Variants in CD48 observed in about 807,000 individuals in gnomAD.
The protein encoded by CD48 is CD48 molecule.
In CD48, 20 loss-of-function variants were observed where a neutral mutation model predicts 22.0. The ratio of observed to expected loss-of-function variants is 0.91; its 90% CI spans 0.64 to 1.32. CD48 has a LOEUF of 1.32. Among genes scored for constraint, CD48 ranks in the 40% most tolerant of loss-of-function variants. CD48 has a pLI of 0.00. For synonymous variants in CD48, 110 were observed against 110.1 expected (o/e 1.00, Z 0.01); for missense variants, 307 against 286.5 (o/e 1.07, Z -0.52).
chr1:160,687,300 T>C (rs1354837958), intron 1 of CD48, among the ~76,000 whole-genome samples: 3 of 152,184 alleles, frequency 2.0e-5, no homozygotes, highest in Non-Finnish European at 4.4e-5. Context: ...TTTCATATTG[T>C]TTAAACACAC....
chr1:160,689,720 A>C (rs183554923), intron 1 of CD48, among the ~76,000 whole-genome samples: 86 of 152,292 alleles, frequency 5.6e-4, no homozygotes, highest in Non-Finnish European at 1.0e-3. Flanking sequence ...TCTCTGACAC[A>C]GATGTTTTTT....
chr1:160,689,373 C>T (rs1571055729), intron 1 of CD48, among the ~76,000 whole-genome samples: 2 of 152,170 alleles, frequency 1.3e-5, no homozygotes, highest in African/African-American at 2.4e-5. Context: ...GGAAAAGGCA[C>T]ATAAGCCTAA....
At chr1:160,702,673 T>C (rs941015388) in intron 1 of CD48, among the ~76,000 whole-genome samples, 8 of 152,142 alleles carry the variant, frequency 5.3e-5, no homozygotes, top group African/African-American at 1.4e-4. Flanking sequence ...GCCACAATTA[T>C]AGCAGGCTCC....
At chr1:160,694,823 G>A (rs189491018) in intron 1 of CD48, among the ~76,000 whole-genome samples, 16 of 152,298 alleles carry the variant, frequency 1.1e-4, no homozygotes, top group African/African-American at 3.1e-4. Flanking sequence ...AAACTGGTGT[G>A]GGTAAATCAG....
At chr1:160,707,265 C>A (rs2102441367) in intron 1 of CD48, among the ~76,000 whole-genome samples, 1 of 152,106 alleles carries the variant, frequency 6.6e-6, no homozygotes, top group Non-Finnish European at 1.5e-5. Context: ...TCAGACGTTG[C>A]AATTTGAATG....
chr1:160,694,470 T>C (rs961874355), intron 1 of CD48, among the ~76,000 whole-genome samples: 2 of 151,488 alleles, frequency 1.3e-5, no homozygotes, highest in Admixed American at 6.6e-5. Context: ...GCCTCAGAAG[T>C]GTATCAGAGT....
At chr1:160,700,670 C>G (rs1008400747) in intron 1 of CD48, among the ~76,000 whole-genome samples, 5 of 152,070 alleles carry the variant, frequency 3.3e-5, no homozygotes, top group Admixed American at 6.6e-5. Context: ...AGATTGGAAT[C>G]TCCCCGCAAC....
At chr1:160,700,798 T>C (rs1242513324) in intron 1 of CD48, among the ~76,000 whole-genome samples, 1 of 152,180 alleles carries the variant, frequency 6.6e-6, no homozygotes, top group Admixed American at 6.5e-5. Context: ...TCTCCTAATT[T>C]GAACTTTTTG....
At chr1:160,707,007 A>G (rs3766368) in intron 1 of CD48, among the ~76,000 whole-genome samples, 5,314 of 152,308 alleles carry the variant, frequency 0.035, 125 homozygotes, top group African/African-American at 0.07. Context: ...AGAAAAGAAG[A>G]TGAGTGTTAA....
intron 1 of CD48, among the ~76,000 whole-genome samples, chr1:160,689,985 A>G (rs923069762): frequency 6.6e-6 from 1 of 152,230 alleles, no homozygotes; most frequent in Non-Finnish European, 1.5e-5. Context: ...TAAAAAATTT[A>G]AAGTAAATAA....
chr1:160,691,918 A>T (rs1662234156), intron 1 of CD48: 1 of 286,318 alleles, frequency 3.5e-6, no homozygotes, highest in Non-Finnish European at 6.4e-6. Context: ...TAAAACTAAA[A>T]GTAAATATGC....
intron 1 of CD48, among the ~76,000 whole-genome samples, chr1:160,703,972 A>G (rs1025518478): frequency 6.6e-6 from 1 of 152,116 alleles, no homozygotes; most frequent in Non-Finnish European, 1.5e-5. Flanking sequence ...GTGAGATTGG[A>G]GAGAGTAGAT....
At chr1:160,686,408 T>C (rs115983945) in intron 1 of CD48, among the ~76,000 whole-genome samples, 92 of 152,176 alleles carry the variant, frequency 6.0e-4, no homozygotes, top group African/African-American at 2.1e-3. Flanking sequence ...AGGGTAGGGA[T>C]AGAAAATGGA....
intron 1 of CD48, among the ~76,000 whole-genome samples, chr1:160,702,750 G>C (rs576503967): frequency 3.6e-4 from 55 of 152,274 alleles, no homozygotes; most frequent in Admixed American, 1.1e-3. Context: ...GAATAGCTTT[G>C]TGGGTATCTG....
chr1:160,680,159 A>G (rs1661741934), intron 3 of CD48, among the ~76,000 whole-genome samples: 1 of 152,224 alleles, frequency 6.6e-6, no homozygotes, highest in South Asian at 2.1e-4. Context: ...TGGGCATGAC[A>G]GGGGTCACAG....
At chr1:160,708,690 C>G (rs115984802) in intron 1 of CD48, among the ~76,000 whole-genome samples, 1 of 152,070 alleles carries the variant, frequency 6.6e-6, no homozygotes, top group Non-Finnish European at 1.5e-5. Context: ...AGGTGGGGAA[C>G]AGTGGAGGAG....
At chr1:160,707,480 G>C (rs1662828574) in intron 1 of CD48, among the ~76,000 whole-genome samples, 1 of 152,138 alleles carries the variant, frequency 6.6e-6, no homozygotes, top group Admixed American at 6.5e-5. Context: ...TCTTGACTGG[G>C]AGGAGGGACA....
chr1:160,681,295 G>A lies in CD48; in HGVS notation c.559C>T (p.Pro187Ser), dbSNP rs563711424. 1.2e-6 allele frequency: 2 copies of A among 1,614,154 alleles called. No individual in the cohort carries two copies. Among genetic ancestry groups the A allele is most frequent in the East Asian group, 4.5e-5 (2 of 44,892 alleles). ...QNSVLETTLM[P>S]HNYSRCYTCQ... ...GTATAACACCTGGAGTAATTATGTG[G>A]CATAAGGGTGGTTTCAAGCACACTG... Residue 187 changes from proline to serine, a missense_variant, in exon 3 of 4, where the codon CCA (proline) becomes TCA (serine). Pro to Ser is a moderately conservative substitution (Grantham distance 74). Transcript: ENST00000368046.
intron 1 of CD48, among the ~76,000 whole-genome samples, chr1:160,691,255 C>T (rs2102414665): frequency 1.3e-5 from 2 of 152,196 alleles, no homozygotes; most frequent in Middle Eastern, 6.8e-3. Context: ...ATGTCTCTTG[C>T]AGTTGAGACA....
Sources: gnomAD v4.1 joint callset for allele counts (sites outside exome capture counted in the v4.1 genomes callset) on GRCh38, gnomAD v4.1.1 for gene constraint, MANE v1.5 for transcripts, NCBI Gene and HGNC (gene_info 2026-07-23, HGNC 2026-07-21) for gene names.